TRAPPC9: variants seen among roughly 807,000 people sequenced by gnomAD.
TRAPPC9 encodes IKK2 binding protein.
A neutral mutation model predicts 124.0 loss-of-function variants in TRAPPC9; 83 were observed. The observed-to-expected ratio is 0.67, with a 90% CI of 0.56 to 0.80. The LOEUF (loss-of-function observed/expected upper bound fraction) is 0.80. Among genes scored for constraint, TRAPPC9 ranks in the 30% least tolerant of loss-of-function variants. TRAPPC9 has a pLI of 0.00. For synonymous variants in TRAPPC9, 638 were observed against 617.5 expected (o/e 1.03, Z -0.49); for missense variants, 1,302 against 1,508.3 (o/e 0.86, Z 2.27).
chr8:140,267,740 C>T (rs1174490716), intron 15 of TRAPPC9, among the ~76,000 whole-genome samples: 1 of 152,190 alleles, frequency 6.6e-6, no homozygotes, highest in East Asian at 1.9e-4. Flanking sequence ...GATCTCAGCT[C>T]ACAGCAACCT....
At chr8:139,995,247 C>A (rs1837890563) in intron 18 of TRAPPC9, among the ~76,000 whole-genome samples, 1 of 152,198 alleles carries the variant, frequency 6.6e-6, no homozygotes, top group Non-Finnish European at 1.5e-5. Flanking sequence ...CTGTGTATAG[C>A]CAGACAGAGC....
At chr8:139,961,530 C>T (rs1337052588) in intron 19 of TRAPPC9, among the ~76,000 whole-genome samples, 2 of 124,520 alleles carry the variant, frequency 1.6e-5, no homozygotes, top group African/African-American at 5.1e-5. Context: ...CCAAGCCTCC[C>T]TGTGCTCTCA....
intron 21 of TRAPPC9, among the ~76,000 whole-genome samples, chr8:139,883,635 C>A (rs1829818941): frequency 6.6e-6 from 1 of 152,186 alleles, no homozygotes. Flanking sequence ...CTTAGTACAC[C>A]CAGGGGAGAG....
At chr8:139,889,240 A>G (rs948499631) in intron 20 of TRAPPC9, among the ~76,000 whole-genome samples, 15 of 152,192 alleles carry the variant, frequency 9.9e-5, no homozygotes, top group African/African-American at 3.6e-4. Context: ...AGGCACCTAC[A>G]CTGGTCAAAT....
intron 21 of TRAPPC9, among the ~76,000 whole-genome samples, chr8:139,756,631 G>A (rs1250480389): frequency 1.4e-5 from 2 of 143,956 alleles, no homozygotes; most frequent in Non-Finnish European, 3.0e-5. Flanking sequence ...CAGGGTTTGG[G>A]GATGAGGACA....
At chr8:140,457,829 A>C, upstream of TRAPPC9, 1 of 1,056,174 alleles carries the variant, frequency 9.5e-7, no homozygotes, top group Non-Finnish European at 1.1e-6. Context: ...AAGAGACGCG[A>C]GGGAAGCAAG....
intron 17 of TRAPPC9, among the ~76,000 whole-genome samples, chr8:140,101,650 C>A (rs2060584023): frequency 7.2e-6 from 1 of 138,564 alleles, no homozygotes; most frequent in East Asian, 2.4e-4. Flanking sequence ...TCAAGCGATT[C>A]TCCTGCCTCA....
At position 139,742,567 on chromosome 8, in the gene TRAPPC9, C is replaced by T. The variant is rs976839272; in HGVS notation, c.3056-10365G>A. Among the ~76,000 whole-genome samples, 6 of 152,184 alleles carry T rather than the reference C, an allele frequency of 3.9e-5. No individual in the cohort carries two copies. Among genetic ancestry groups the T allele is most frequent in the Admixed American group, 1.3e-4 (2 of 15,280 alleles). ...CAAGTCAGGGGCCACCAGAGAGGGT[C>T]AGGACCCAAACTTTGGGCAAGCTAT... On this transcript the variant is annotated intron_variant, in intron 21 of 22. Coordinates refer to ENST00000438773, the MANE Select transcript of TRAPPC9 (RefSeq NM_001160372.4). This position sits in a 1 kb window ranked among gnomAD's most constrained non-coding sequence, Gnocchi z 4.7.
chr8:140,182,546 G>C lies in TRAPPC9; in HGVS notation c.2556+38913C>G, dbSNP rs2062227887. Among the ~76,000 whole-genome samples the C allele has an allele frequency of 6.6e-6, 1 of 152,180 alleles. No individual in the cohort carries two copies. The highest frequency in any genetic ancestry group is 2.4e-5 in the African/African-American group (1 of 41,432). ...ATTTTAAGGCAATTTAGTGCACGCT[G>C]ATCTAAGCTCACTGATCGAAGCACA... On this transcript the variant is annotated intron_variant, in intron 17 of 22. Transcript: ENST00000438773. This position sits in a 1 kb window ranked among gnomAD's most constrained non-coding sequence, Gnocchi z 4.0.
chr8:140,376,305 C>T (rs1296778753), intron 7 of TRAPPC9, among the ~76,000 whole-genome samples: 2 of 152,038 alleles, frequency 1.3e-5, no homozygotes, highest in South Asian at 2.1e-4. Flanking sequence ...GCCTGTAATC[C>T]TAGCACTTTG....
rs1822985937 is a variant in TRAPPC9, at chr8:139,795,463, T to C, written c.3056-63261A>G. Reference sequence around the variant, plus strand: ...CCCTTCCACCACTTGCAGCCTGTGTTTGTGTGATTCAAACACAGCTTTTCC... The same window carrying C: ...CCCTTCCACCACTTGCAGCCTGTGTCTGTGTGATTCAAACACAGCTTTTCC... On this transcript the variant is annotated intron_variant, in intron 21 of 22. Coordinates refer to ENST00000438773, the MANE Select transcript of TRAPPC9 (RefSeq NM_001160372.4). Among the ~76,000 whole-genome samples the C allele has an allele frequency of 1.3e-5, 2 of 151,750 alleles. 1 individual carries two copies. Among genetic ancestry groups the C allele is most frequent in the South Asian group, 4.2e-4 (2 of 4,780 alleles).
At chr8:140,368,649 C>T (rs1341338932) in intron 8 of TRAPPC9, among the ~76,000 whole-genome samples, 3 of 152,156 alleles carry the variant, frequency 2.0e-5, no homozygotes, top group Non-Finnish European at 4.4e-5. Context: ...AAGCACCCCC[C>T]AGGTCTAGTT....
intron 21 of TRAPPC9, among the ~76,000 whole-genome samples, chr8:139,861,856 G>A (rs1466796012): frequency 6.6e-6 from 1 of 152,022 alleles, no homozygotes; most frequent in Non-Finnish European, 1.5e-5. Context: ...CAAAAGCAGG[G>A]GTCTTCACCG....
chr8:139,987,756 T>C (rs1421734685), intron 19 of TRAPPC9, among the ~76,000 whole-genome samples: 1 of 151,802 alleles, frequency 6.6e-6, no homozygotes, highest in Non-Finnish European at 1.5e-5. Context: ...GGAGGGAGGG[T>C]GAGTGGAGAG....
At chr8:140,149,477 G>A (rs1185415990) in intron 17 of TRAPPC9, among the ~76,000 whole-genome samples, 1 of 152,010 alleles carries the variant, frequency 6.6e-6, no homozygotes, top group African/African-American at 2.4e-5. Flanking sequence ...GAAATTAGCC[G>A]GGTGTGGTGG....
chr8:140,270,582 C>A (rs2064846645), intron 15 of TRAPPC9, among the ~76,000 whole-genome samples: 1 of 152,186 alleles, frequency 6.6e-6, no homozygotes, highest in Non-Finnish European at 1.5e-5. Context: ...GTGGCAAGAC[C>A]TCCTGTGGCA....
At chr8:139,768,897 A>G (rs886416371) in intron 21 of TRAPPC9, among the ~76,000 whole-genome samples, 4 of 152,170 alleles carry the variant, frequency 2.6e-5, no homozygotes, top group Non-Finnish European at 4.4e-5. Flanking sequence ...GATGGGCCCA[A>G]TCCTCTCGGA....
intron 17 of TRAPPC9, among the ~76,000 whole-genome samples, chr8:140,101,541 GTT>G (rs11387005): frequency 1.7e-5 from 2 of 114,958 alleles, no homozygotes; most frequent in Non-Finnish European, 1.7e-5. Context: ...TCTTTTTTTT[GTT>G]TTTTTTTTTT....
intron 17 of TRAPPC9, among the ~76,000 whole-genome samples, chr8:140,211,594 T>A (rs1307688310): frequency 6.6e-6 from 1 of 152,198 alleles, no homozygotes; most frequent in Admixed American, 6.5e-5. Context: ...AGAAACTTCA[T>A]AAACATCCCA....
Sources: gnomAD v4.1 joint callset for allele counts (sites outside exome capture counted in the v4.1 genomes callset) on GRCh38, gnomAD v4.1.1 for gene constraint, Gnocchi (gnomAD v3.1) non-coding constraint, MANE v1.5 for transcripts, NCBI Gene and HGNC (gene_info 2026-07-23, HGNC 2026-07-21) for gene names.